The following AGTPBP1 variants were observed in gnomAD, a reference collection of about 807,000 sequenced individuals.
AGTPBP1 encodes the protein ATP/GTP binding carboxypeptidase 1.
Under a neutral mutation model 143.9 loss-of-function variants are expected in AGTPBP1, and 70 were observed. That is an observed-to-expected ratio of 0.49 (90% CI 0.40 to 0.59). The LOEUF (loss-of-function observed/expected upper bound fraction) is 0.59. Ranked by LOEUF, AGTPBP1 falls within the 20% of genes least tolerant of loss-of-function variation. The pLI, the probability that AGTPBP1 is intolerant of heterozygous loss-of-function variation, is 0.00. For missense variants in AGTPBP1, 1,229 were observed against 1,464.5 expected (o/e 0.84, Z 2.62); for synonymous variants, 463 against 500.2 (o/e 0.93, Z 0.99).
chr9:85,650,259 G>A (rs1833076404), intron 11 of AGTPBP1, among the ~76,000 whole-genome samples: 2 of 151,822 alleles, frequency 1.3e-5, no homozygotes, highest in Non-Finnish European at 2.9e-5. Flanking sequence ...AGTGACCCTT[G>A]AAAAATGTAA....
chr9:85,782,111 T>C, the AGTPBP1 span, among the ~76,000 whole-genome samples: 1 of 152,228 alleles, frequency 6.6e-6, no homozygotes, highest in Non-Finnish European at 1.5e-5. Context: ...GGCACACATG[T>C]ATTTTTTACC....
intron 25 of AGTPBP1, among the ~76,000 whole-genome samples, chr9:85,559,028 T>A (rs1826527482): frequency 6.6e-6 from 1 of 152,260 alleles, no homozygotes; most frequent in Non-Finnish European, 1.5e-5. Flanking sequence ...ATTAAATGTT[T>A]CATCAGTCTC....
upstream of AGTPBP1, among the ~76,000 whole-genome samples, chr9:85,745,593 G>A (rs1824570792): frequency 6.6e-6 from 1 of 152,222 alleles, no homozygotes; most frequent in African/African-American, 2.4e-5. Flanking sequence ...GGGAAATGGA[G>A]GGAAGCAATC....
chr9:85,778,054 G>C, the AGTPBP1 span, among the ~76,000 whole-genome samples: 1 of 152,204 alleles, frequency 6.6e-6, no homozygotes, highest in Non-Finnish European at 1.5e-5. Flanking sequence ...GAGGCCATCG[G>C]TGCAGGCTGG....
At chr9:85,657,156 T>C (rs1226191625) in intron 10 of AGTPBP1, among the ~76,000 whole-genome samples, 1 of 145,698 alleles carries the variant, frequency 6.9e-6, no homozygotes, top group Non-Finnish European at 1.5e-5. Context: ...AATGTGCACA[T>C]GTACCCTAAA....
the AGTPBP1 span, among the ~76,000 whole-genome samples, chr9:85,762,005 C>G: frequency 6.6e-6 from 1 of 152,172 alleles, no homozygotes. Flanking sequence ...ATGCAGCCAA[C>G]AGACACATGA....
intron 8 of AGTPBP1, among the ~76,000 whole-genome samples, chr9:85,664,852 ATATGTTTCTTACCAT>A (rs1447916768): frequency 6.6e-6 from 1 of 152,152 alleles, no homozygotes; most frequent in African/African-American, 2.4e-5. Context: ...ATTCAATGCA[ATATGTTTCTTACCAT>A]TACTAAGAAG....
the AGTPBP1 span, among the ~76,000 whole-genome samples, chr9:85,752,744 T>C: frequency 3.3e-5 from 5 of 152,314 alleles, no homozygotes; most frequent in East Asian, 7.7e-4. Context: ...TGGTGACTTA[T>C]GCCTGTAATG....
chr9:85,713,778 T>C (rs1837531547), intron 1 of AGTPBP1, among the ~76,000 whole-genome samples: 1 of 152,202 alleles, frequency 6.6e-6, no homozygotes, highest in Admixed American at 6.5e-5. Context: ...AAAGGAAATA[T>C]TTAGAATTGT....
intron 17 of AGTPBP1, among the ~76,000 whole-genome samples, chr9:85,612,430 A>G (rs921861361): frequency 4.6e-5 from 7 of 152,092 alleles, no homozygotes; most frequent in African/African-American, 1.7e-4. Context: ...GGGCACTCCA[A>G]CTCCATGGGG....
intron 9 of AGTPBP1, among the ~76,000 whole-genome samples, chr9:85,659,187 T>C (rs1436292233): frequency 6.6e-6 from 1 of 152,202 alleles, no homozygotes; most frequent in African/African-American, 2.4e-5. Context: ...ATGCAATCTG[T>C]GCTGAGCACA....
chr9:85,750,265 A>G, the AGTPBP1 span, among the ~76,000 whole-genome samples: 1 of 152,186 alleles, frequency 6.6e-6, no homozygotes, highest in Non-Finnish European at 1.5e-5. Flanking sequence ...TCATCCTGAA[A>G]TGTCTAGGGC....
chr9:85,796,066 C>A, the AGTPBP1 span, among the ~76,000 whole-genome samples: 1 of 151,720 alleles, frequency 6.6e-6, no homozygotes, highest in South Asian at 2.1e-4. Context: ...ATTGAGGTAC[C>A]AGAGGGTACG....
chr9:85,757,286 C>G, the AGTPBP1 span, among the ~76,000 whole-genome samples: 1 of 151,990 alleles, frequency 6.6e-6, no homozygotes, highest in East Asian at 1.9e-4. Context: ...AGACTGGTCT[C>G]GAACTTCTGA....
At chr9:85,650,206 A>C (rs577463612) in intron 11 of AGTPBP1, among the ~76,000 whole-genome samples, 67 of 152,244 alleles carry the variant, frequency 4.4e-4, no homozygotes, top group African/African-American at 1.5e-3. Context: ...AGTCAATATT[A>C]GTTATTCATA....
intron 25 of AGTPBP1, among the ~76,000 whole-genome samples, chr9:85,566,864 G>C (rs759556145): frequency 8.5e-5 from 13 of 152,152 alleles, no homozygotes; most frequent in Non-Finnish European, 1.5e-4. Flanking sequence ...TTAGAAAGGA[G>C]GCTGAGAAAA....
the AGTPBP1 span, among the ~76,000 whole-genome samples, chr9:85,766,292 A>T: frequency 6.6e-6 from 1 of 152,182 alleles, no homozygotes; most frequent in East Asian, 1.9e-4. Flanking sequence ...ATTCAAAGCA[A>T]TGAAGTGATC....
At chr9:85,758,310 C>T in the AGTPBP1 span, among the ~76,000 whole-genome samples, 929 of 152,192 alleles carry the variant, frequency 6.1e-3, 14 homozygotes, top group African/African-American at 0.022. Flanking sequence ...TAAAGAACTA[C>T]AAGTTATGAA....
At chr9:85,679,878 T>C (rs1835061815) in intron 4 of AGTPBP1, among the ~76,000 whole-genome samples, 1 of 152,196 alleles carries the variant, frequency 6.6e-6, no homozygotes, top group African/African-American at 2.4e-5. Flanking sequence ...GCCTTCTTTG[T>C]TGTAAGATTA....
Sources: allele counts gnomAD v4.1 joint callset (sites outside exome capture counted in the v4.1 genomes callset), GRCh38; gene constraint gnomAD v4.1.1; transcripts MANE v1.5; gene names NCBI Gene and HGNC (gene_info 2026-07-23, HGNC 2026-07-21).